Variants in FRMPD4 observed in about 807,000 individuals in gnomAD.
FRMPD4 encodes the protein FERM and PDZ domain-containing protein 4.
A neutral mutation model predicts 94.1 loss-of-function variants in FRMPD4; 22 were observed. The ratio of observed to expected loss-of-function variants is 0.23; its 90% CI spans 0.17 to 0.33. The LOEUF (loss-of-function observed/expected upper bound fraction) is 0.33. Among genes scored for constraint, FRMPD4 ranks in the 10% least tolerant of loss-of-function variants. The probability of loss-of-function intolerance (pLI) is 1.00; values close to 1 mark genes in which losing one functional copy is unlikely to be tolerated. For synonymous variants in FRMPD4, 631 were observed against 548.6 expected (o/e 1.15, Z -2.10); for missense variants, 1,111 against 1,339.9 (o/e 0.83, Z 2.67).
chrX:12,305,940 G>A (rs1049634819), intron 1 of FRMPD4, among the ~76,000 whole-genome samples: 6 of 107,149 alleles, frequency 5.6e-5, no homozygotes, highest in South Asian at 4.2e-4. Flanking sequence ...TTTGACAGCC[G>A]TGTCTCATGG....
intron 3 of FRMPD4, among the ~76,000 whole-genome samples, chrX:11,903,435 C>A (rs1309773271): frequency 5.3e-5 from 6 of 112,227 alleles, no homozygotes; most frequent in Non-Finnish European, 5.6e-5. Context: ...GTGTAGATAA[C>A]AAATAATGAG....
rs920644635 is a variant in FRMPD4, at chrX:12,569,360, TTAA to T, written c.159-40358_159-40356del. On this transcript the variant is annotated intron_variant, in intron 2 of 16. Transcript: ENST00000675598. ...AAATTATGCTAATACAAAGTTGTAA[TTAA>T]TATTAAAATGCTTTTAAGCTGAAAG... 1.8e-4 allele frequency among the ~76,000 whole-genome samples: 20 copies of T among 111,985 alleles called. No homozygotes were observed. The Admixed American group carries it at 1.8e-3, about 10-fold the overall frequency.
At chrX:12,202,096 G>T (rs1373369847) in intron 1 of FRMPD4, among the ~76,000 whole-genome samples, 2 of 107,818 alleles carry the variant, frequency 1.9e-5, no homozygotes, top group Admixed American at 1.0e-4. Flanking sequence ...GATTTTTCTT[G>T]TAATCTTCAT....
intron 2 of FRMPD4, among the ~76,000 whole-genome samples, chrX:12,515,124 T>C (rs767573234): frequency 8.9e-6 from 1 of 111,838 alleles, no homozygotes; most frequent in Admixed American, 9.5e-5. Flanking sequence ...GCTAGCAGTC[T>C]GTTTTATTAA....
chrX:12,493,838 C>T (rs922453646), intron 1 of FRMPD4, among the ~76,000 whole-genome samples: 7 of 112,345 alleles, frequency 6.2e-5, no homozygotes, highest in Non-Finnish European at 9.4e-5. Flanking sequence ...CTGCTTACAA[C>T]ACAATGTACC....
chrX:11,963,192 A>G (rs753102324), intron 3 of FRMPD4, among the ~76,000 whole-genome samples: 18 of 112,571 alleles, frequency 1.6e-4, no homozygotes, highest in Non-Finnish European at 3.2e-4. Context: ...TGTGAAGCAC[A>G]GGTGATACAT....
chrX:11,917,956 A>G (rs2054033982), intron 3 of FRMPD4, among the ~76,000 whole-genome samples: 1 of 111,450 alleles, frequency 9.0e-6, no homozygotes, highest in African/African-American at 3.3e-5. Flanking sequence ...ACAGTTAGAT[A>G]TGTGACTGCC....
chrX:12,540,854 G>A (rs755403183), intron 2 of FRMPD4, among the ~76,000 whole-genome samples: 11 of 111,491 alleles, frequency 9.9e-5, no homozygotes, highest in Admixed American at 6.7e-4. Context: ...AGCAGTCCTC[G>A]GCAAATGTAA....
intron 3 of FRMPD4, among the ~76,000 whole-genome samples, chrX:12,071,810 C>A (rs1419180659): frequency 9.0e-6 from 1 of 110,829 alleles, no homozygotes; most frequent in African/African-American, 3.3e-5. Flanking sequence ...CCTTACCAGC[C>A]AAAGGAAGGA....
At chrX:12,311,033 G>A (rs2055023145) in intron 1 of FRMPD4, among the ~76,000 whole-genome samples, 1 of 112,239 alleles carries the variant, frequency 8.9e-6, no homozygotes, top group Non-Finnish European at 1.9e-5. Flanking sequence ...CTTCTTTTGT[G>A]CTTTGTGTTT....
chrX:12,062,181 A>T (rs1439927626), intron 3 of FRMPD4, among the ~76,000 whole-genome samples: 1 of 111,904 alleles, frequency 8.9e-6, no homozygotes, highest in Non-Finnish European at 1.9e-5. Flanking sequence ...ATGCTCATGG[A>T]CTAAACTTTT....
intron 1 of FRMPD4, among the ~76,000 whole-genome samples, chrX:12,225,733 G>A (rs1264170942): frequency 8.9e-6 from 1 of 112,211 alleles, no homozygotes; most frequent in Non-Finnish European, 1.9e-5. Flanking sequence ...GTGACCTGAA[G>A]GCAATTGGCC....
Position 12,717,699 on chromosome X carries a change from C to A in FRMPD4, c.2873C>A (p.Thr958Asn). ...CAGACCGAGTTCCCGGCCTCCAAGA[C>A]CCCCGCTGGGGGCTTGCCTCCAAAG... ...EEQTEFPASK[T>N]PAGGLPPKSS... Residue 958 changes from threonine (T) to asparagine (N), a missense_variant, in exon 16 of 17, where the codon ACC becomes AAC. By Grantham distance (65) the Thr-to-Asn change is moderately conservative. Around this residue, in one of 8 missense-constraint regions of FRMPD4, gnomAD observed 551 missense variants for 591.6 expected, o/e 0.93. Coordinates refer to ENST00000675598, the MANE Select transcript of FRMPD4 (RefSeq NM_001368397.1). 3.3e-6 allele frequency: 4 copies of A among 1,210,884 alleles called. No homozygotes were observed. Among genetic ancestry groups the A allele is most frequent in the Admixed American group, 2.2e-5 (1 of 46,138 alleles).
intron 1 of FRMPD4, among the ~76,000 whole-genome samples, chrX:11,839,127 C>T (rs2053518260): frequency 9.0e-6 from 1 of 111,040 alleles, no homozygotes; most frequent in African/African-American, 3.3e-5. Flanking sequence ...CTAGTTTCTC[C>T]AAATCCTCAC....
intron 3 of FRMPD4, among the ~76,000 whole-genome samples, chrX:11,949,031 A>G (rs1278384480): frequency 8.9e-6 from 1 of 112,151 alleles, no homozygotes; most frequent in Non-Finnish European, 1.9e-5. Flanking sequence ...GCTAGAATTT[A>G]ATGAGATGTT....
At position 12,713,967 on chromosome X, in the gene FRMPD4, G is replaced by A. The variant is rs1308108568; in HGVS notation, c.1610-2102G>A. 3.6e-5 allele frequency among the ~76,000 whole-genome samples: 4 copies of A among 111,767 alleles called. No homozygotes were observed. The Admixed American group carries it at 3.8e-4, about 11-fold the overall frequency. On this transcript the variant is annotated intron_variant, in intron 14 of 16. Coordinates refer to ENST00000675598, the MANE Select transcript of FRMPD4 (RefSeq NM_001368397.1). The stretch of plus-strand genomic sequence containing the variant: ...TTTCAAAATCCCTGGCCCCACATAT[G>A]TATGCATCTCTGGGCTTTAGGAGGG...
chrX:12,026,734 C>T (rs2054663295), intron 3 of FRMPD4, among the ~76,000 whole-genome samples: 1 of 112,424 alleles, frequency 8.9e-6, no homozygotes, highest in Non-Finnish European at 1.9e-5. Flanking sequence ...CTGCCCTTCA[C>T]CATCAATGAG....
intron 3 of FRMPD4, among the ~76,000 whole-genome samples, chrX:11,900,180 G>A (rs2053927024): frequency 2.3e-5 from 2 of 87,217 alleles, no homozygotes; most frequent in Admixed American, 1.5e-4. Context: ...GGTGATAGAT[G>A]TTTCAGAGGA....
chrX:12,180,046 T>C (rs190193222), intron 1 of FRMPD4, among the ~76,000 whole-genome samples: 2 of 111,033 alleles, frequency 1.8e-5, no homozygotes, highest in Admixed American at 9.6e-5. Flanking sequence ...GAGGCAGTTA[T>C]AGCAGAGCCT....
Sources: gnomAD v4.1 joint callset for allele counts (sites outside exome capture counted in the v4.1 genomes callset) on GRCh38, gnomAD v4.1.1 for gene constraint, gnomAD v4.1.1 regional missense constraint, MANE v1.5 for transcripts, NCBI Gene and HGNC (gene_info 2026-07-23, HGNC 2026-07-21) for gene names.